Variants in CRELD1 observed in about 807,000 individuals in gnomAD.
CRELD1 encodes the protein CRELD disulfide isomerase 1, also known as protein disulfide isomerase CRELD1.
CRELD1 carries 42 observed loss-of-function variants against 58.2 expected under a neutral mutation model. That is an observed-to-expected ratio of 0.72 (90% CI 0.56 to 0.93). The LOEUF (loss-of-function observed/expected upper bound fraction) is 0.93. CRELD1 is among the 40% of genes least tolerant of loss of function. The pLI, the probability that CRELD1 is intolerant of heterozygous loss-of-function variation, is 0.00. For missense variants in CRELD1, 500 were observed against 540.6 expected (o/e 0.92, Z 0.74); for synonymous variants, 222 against 202.0 (o/e 1.10, Z -0.84).
At chr3:9,944,279 C>G (rs2085458680) in intron 10 of CRELD1, 86 bp from the exon 11 acceptor site, 1 of 1,220,696 alleles carries the variant, frequency 8.2e-7, no homozygotes, top group Non-Finnish European at 1.2e-6. Context: ...CCATGATGAT[C>G]AGGTGTGTGG....
chr3:9,941,005 GC>G lies in CRELD1; in HGVS notation c.618del (p.Ser207AlafsTer38). 1 of 1,614,190 alleles carries G rather than the reference GC, an allele frequency of 6.2e-7. No individual in the cohort carries two copies. Among genetic ancestry groups the G allele is most frequent in the Non-Finnish European group, 8.5e-7 (1 of 1,180,028 alleles). On this transcript the variant is annotated frameshift_variant, in exon 6 of 11. Coordinates refer to ENST00000452070, the MANE Select transcript of CRELD1 (RefSeq NM_001077415.3). LOFTEE classifies it high-confidence loss of function. The stretch of plus-strand genomic sequence containing the variant: ...TGGCTACTTTGAGGCAGAACGCAAC[GC>G]CAGCCATCTGGTATGTTCGGGTAGG... Reference protein sequence around the residue: ...GLGYFEAERNASHLVCSACFG... With the variant: ...GLGYFEAERNXSHLVCSACFG...
In CRELD1 at chr3:9,943,471, G is replaced by T. The variant is rs1285481060; in HGVS notation, c.1004G>T (p.Gly335Val). Residue 335 changes from glycine to valine, a missense_variant, in exon 10 of 11, where the codon GGC (glycine) becomes GTC (valine). Transcript: ENST00000452070. ...EGGYRCICAE[G>V]YKQMEGICVK... ...GGTTATCGCTGCATCTGTGCCGAGG[G>T]CTACAAGCAGATGGAAGGCATCTGT... 6.2e-7 allele frequency: 1 copy of T among 1,614,082 alleles called. No individual in the cohort carries two copies.
At chr3:9,943,327 C>T (rs2085421604) in intron 9 of CRELD1, 54 bp from the exon 10 acceptor site, 1 of 1,613,212 alleles carries the variant, frequency 6.2e-7, no homozygotes, top group Non-Finnish European at 8.5e-7. Context: ...AAGATGGAGT[C>T]AGGGTGCTGG....
intron 5 of CRELD1, chr3:9,938,704 CA>C: frequency 6.6e-6 from 1 of 152,398 alleles, no homozygotes; most frequent in Non-Finnish European, 1.5e-5. Flanking sequence ...CTAAAAAATA[CA>C]AAAAATTAGC....
Position 9,943,268 on chromosome 3 carries a change from G to C in CRELD1, c.913+96G>C, listed in dbSNP as rs563014562. The C allele has an allele frequency of 2.8e-5, 44 of 1,595,774 alleles. 1 individual carries two copies. In the South Asian group the frequency reaches 4.4e-4, roughly 16 times the overall value. On this transcript the variant is annotated intron_variant, in intron 9 of 10. Coordinates refer to ENST00000452070, the MANE Select transcript of CRELD1 (RefSeq NM_001077415.3). ...AATATGGGCAGGTGGGGGAAGGAAG[G>C]GTGGAATGTTGCCTGGGCAAGGGCA...
At position 9,937,104 on chromosome 3, in the gene CRELD1, T is replaced by G. The variant is rs2085216248; in HGVS notation, c.258-458T>G. On this transcript the variant is annotated intron_variant, in intron 3 of 10. Coordinates refer to ENST00000452070, the MANE Select transcript of CRELD1 (RefSeq NM_001077415.3). Reference sequence around the variant, plus strand: ...TGGAATTGGCAGGTCCTATGGCAATTCCATGTTTTACTTATTGAGGAACTG... The same window carrying G: ...TGGAATTGGCAGGTCCTATGGCAATGCCATGTTTTACTTATTGAGGAACTG... Among the ~76,000 whole-genome samples the G allele has an allele frequency of 2.0e-5, 3 of 152,218 alleles. No homozygotes were observed. The South Asian group carries it at 6.2e-4, about 32-fold the overall frequency.
chr3:9,936,267 A>G (rs1575635151), intron 3 of CRELD1: 1 of 152,056 alleles, frequency 6.6e-6, no homozygotes, highest in East Asian at 1.9e-4. Context: ...AACATTGGTC[A>G]TTTTCTCTTT....
At chr3:9,937,754 G>T in intron 4 of CRELD1, 82 bp downstream of exon 4, 2 of 985,228 alleles carry the variant, frequency 2.0e-6, no homozygotes, top group South Asian at 2.8e-5. Flanking sequence ...GAAGCAGGGG[G>T]GTGCATGCTG....
At position 9,934,833 on chromosome 3, in the gene CRELD1, A is replaced by G. The variant is rs767446609; in HGVS notation, c.175-2A>G. ...TAGCTATTACTAATTTTCTGTTTCC[A>G]GGGCCTGGAGAGAACCATCCGGGAC... On this transcript the variant is annotated splice_acceptor_variant, in intron 2 of 10. Coordinates refer to ENST00000452070, the MANE Select transcript of CRELD1 (RefSeq NM_001077415.3). LOFTEE classifies it high-confidence loss of function. 1 of 1,611,490 alleles carries G rather than the reference A, an allele frequency of 6.2e-7. No individual in the cohort carries two copies. The highest frequency in any genetic ancestry group is 1.1e-5 in the South Asian group (1 of 90,626).
At chr3:9,934,696 G>C in intron 2 of CRELD1, 84 bp downstream of exon 2, 1 of 1,555,044 alleles carries the variant, frequency 6.4e-7, no homozygotes, top group Non-Finnish European at 8.8e-7. Context: ...GTGGATTTAA[G>C]TTTCATCTTG....
At chr3:9,943,968 C>A in intron 10 of CRELD1, 2 of 1,175,306 alleles carry the variant, frequency 1.7e-6, no homozygotes, top group Non-Finnish European at 2.6e-6. Flanking sequence ...GGTTCTCATC[C>A]CCACTCTACA....
Position 9,943,453 on chromosome 3 carries a change from G to A in CRELD1, c.986G>A (p.Arg329His), listed in dbSNP as rs772336477. Reference sequence around the variant, plus strand: ...TGTGAAAACACCGAGGGCGGTTATCGCTGCATCTGTGCCGAGGGCTACAAG... The same window carrying A: ...TGTGAAAACACCGAGGGCGGTTATCACTGCATCTGTGCCGAGGGCTACAAG... Reference protein sequence around the residue: ...KQCENTEGGYRCICAEGYKQM... With the variant: ...KQCENTEGGYHCICAEGYKQM... Residue 329 changes from arginine (R) to histidine (H), a missense_variant, in exon 10 of 11, where the codon CGC becomes CAC. Physicochemically the swap from Arg to His is conservative, Grantham distance 29. Transcript: ENST00000452070. 5 of 1,613,906 alleles carry A rather than the reference G, an allele frequency of 3.1e-6. No individual in the cohort carries two copies. The East Asian group carries it at 8.9e-5, about 29-fold the overall frequency.
At position 9,944,374 on chromosome 3, in the gene CRELD1, G is replaced by T; in HGVS notation, c.1058G>T (p.Gly353Val). ...CVKEQIPESA[G>V]FFSEMTEDEL... is the part of the protein sequence containing the mutation. ...TCTTGCTCCTCTGCAGAGTCAGCAG[G>T]CTTCTTCTCAGAGATGACAGAAGAC... is the stretch of plus-strand genomic sequence containing the variant. The change falls in exon 11 of 11, where the codon GGC becomes GTC. Residue 353 changes from glycine (G) to valine (V), a missense_variant. Gly to Val is a moderately radical substitution (Grantham distance 109). Transcript: ENST00000452070. 6.2e-7 allele frequency: 1 copy of T among 1,613,910 alleles called. No individual in the cohort carries two copies. The highest frequency in any genetic ancestry group is 8.5e-7 in the Non-Finnish European group (1 of 1,179,882).
At chr3:9,940,818 A>G (rs1216770342) in intron 5 of CRELD1, 32 bp from the exon 6 acceptor site, 2 of 1,608,276 alleles carry the variant, frequency 1.2e-6, no homozygotes, top group South Asian at 2.2e-5. Context: ...GGTTGTATAG[A>G]TGACCTCACC....
chr3:9,934,029 C>G, intron 1 of CRELD1, 109 bp downstream of exon 1: 1 of 320,464 alleles, frequency 3.1e-6, no homozygotes, highest in East Asian at 8.0e-5. Flanking sequence ...CCTCCAAGCC[C>G]GGGGTTCCGG....
Position 9,943,384 on chromosome 3 carries a change from T to G in CRELD1, c.917T>G (p.Val306Gly). Reference sequence around the variant, plus strand: ...CTGACCCCTCCCTCCCCTCAAGATGTGGATGAGTGTGAGACAGAGGTGTGT... The same window carrying G: ...CTGACCCCTCCCTCCCCTCAAGATGGGGATGAGTGTGAGACAGAGGTGTGT... ...YQQVGSKCLD[V>G]DECETEVCPG... The change falls in exon 10 of 11, where the codon GTG becomes GGG. Residue 306 changes from valine (V) to glycine (G), a missense_variant. Transcript: ENST00000452070. The G allele has an allele frequency of 6.2e-7, 1 of 1,613,452 alleles. No homozygotes were observed. The highest frequency in any genetic ancestry group is 1.3e-5 in the African/African-American group (1 of 74,792).
Position 9,941,190 on chromosome 3 carries a change from T to A in CRELD1, c.717T>A (p.His239Gln). ...CLQCKKGWAL[H>Q]HLKCVDIDEC... Reference sequence around the variant, plus strand: ...AATGCAAGAAGGGCTGGGCCCTGCATCACCTCAAGTGTGTAGGTAAGTGGG... The same window carrying A: ...AATGCAAGAAGGGCTGGGCCCTGCAACACCTCAAGTGTGTAGGTAAGTGGG... The change falls in exon 7 of 11, where the codon CAT (histidine) becomes CAA (glutamine). Residue 239 changes from histidine (H) to glutamine (Q), a missense_variant. Coordinates refer to ENST00000452070, the MANE Select transcript of CRELD1 (RefSeq NM_001077415.3). 6.2e-7 allele frequency: 1 copy of A among 1,613,978 alleles called. No homozygotes were observed. Among genetic ancestry groups the A allele is most frequent in the Non-Finnish European group, 8.5e-7 (1 of 1,179,934 alleles).
rs772928760 is a variant in CRELD1 at position 9,941,162 on chromosome 3, T to C, written c.689T>C (p.Leu230Ser). The change falls in exon 7 of 11, where the codon TTG becomes TCG. Residue 230 changes from leucine to serine, a missense_variant. Coordinates refer to ENST00000452070, the MANE Select transcript of CRELD1 (RefSeq NM_001077415.3). ...RCSGPEESNC[L>S]QCKKGWALHH... ...TCAGGACCTGAGGAATCAAACTGTT[T>C]GCAATGCAAGAAGGGCTGGGCCCTG... 1.8e-5 allele frequency: 29 copies of C among 1,614,062 alleles called. No homozygotes were observed. Among genetic ancestry groups the C allele is most frequent in the African/African-American group, 2.7e-5 (2 of 74,936 alleles).
Position 9,943,133 on chromosome 3 carries a change from T to C in CRELD1, c.874T>C (p.Cys292Arg), listed in dbSNP as rs2085415399. The change falls in exon 9 of 11, where the codon TGT becomes CGT. Residue 292 changes from cysteine (C) to arginine (R), a missense_variant. Cys to Arg is a radical substitution (Grantham distance 180). Coordinates refer to ENST00000452070, the MANE Select transcript of CRELD1 (RefSeq NM_001077415.3). Reference sequence around the variant, plus strand: ...GGCAGGGCCAGGTCGCTGTAAGAAGTGTAGCCCTGGCTATCAGCAGGTGGG... The same window carrying C: ...GGCAGGGCCAGGTCGCTGTAAGAAGCGTAGCCCTGGCTATCAGCAGGTGGG... ...MGAGPGRCKK[C>R]SPGYQQVGSK... The C allele has an allele frequency of 1.9e-6, 3 of 1,613,484 alleles. No homozygotes were observed. The highest frequency in any genetic ancestry group is 2.5e-6 in the Non-Finnish European group (3 of 1,179,994).
Sources: gnomAD v4.1 joint callset for allele counts (sites outside exome capture counted in the v4.1 genomes callset) on GRCh38, gnomAD v4.1.1 for gene constraint, MANE v1.5 for transcripts, NCBI Gene and HGNC (gene_info 2026-07-23, HGNC 2026-07-21) for gene names.